Variants in SLC24A2 observed in about 807,000 individuals in gnomAD.
SLC24A2 encodes sodium/potassium/calcium exchanger 2.
SLC24A2 carries 36 observed loss-of-function variants against 62.0 expected under a neutral mutation model. The observed-to-expected ratio is 0.58, with a 90% CI of 0.44 to 0.77. The LOEUF (loss-of-function observed/expected upper bound fraction) is 0.77, where lower values mean the gene tolerates loss of function less well. SLC24A2 is among the 30% of genes least tolerant of loss of function. The pLI is 0.00. For synonymous variants in SLC24A2, 358 were observed against 294.0 expected, an observed-to-expected ratio of 1.22 and a Z score of -2.23; for missense variants, 846 against 817.9, an observed-to-expected ratio of 1.03 and a Z score of -0.42.
the SLC24A2 span, among the ~76,000 whole-genome samples, chr9:20,049,837 T>G: frequency 5.9e-5 from 9 of 152,048 alleles, no homozygotes; most frequent in Non-Finnish European, 1.3e-4. Context: ...GCACTGCATC[T>G]GTTACAGAGG....
intron 2 of SLC24A2, among the ~76,000 whole-genome samples, chr9:19,662,748 C>T (rs1819138611): frequency 6.6e-6 from 1 of 152,190 alleles, no homozygotes; most frequent in Admixed American, 6.5e-5. Flanking sequence ...TCAAAAAGCA[C>T]CCTGTCCCCT....
At chr9:19,544,508 T>C (rs1834448910) in intron 8 of SLC24A2, among the ~76,000 whole-genome samples, 1 of 152,224 alleles carries the variant, frequency 6.6e-6, no homozygotes, top group African/African-American at 2.4e-5. Flanking sequence ...TTAGTTGATG[T>C]TGTTTCTTTA....
the SLC24A2 span, among the ~76,000 whole-genome samples, chr9:20,139,859 G>A: frequency 6.6e-6 from 1 of 152,204 alleles, no homozygotes. Context: ...GGAAAAGACT[G>A]AAGGCTGTCA....
At chr9:19,528,681 A>T (rs1195263888) in intron 8 of SLC24A2, among the ~76,000 whole-genome samples, 1 of 152,182 alleles carries the variant, frequency 6.6e-6, no homozygotes, top group African/African-American at 2.4e-5. Flanking sequence ...CAAGAAAGTC[A>T]CACAGAAAAA....
intron 2 of SLC24A2, among the ~76,000 whole-genome samples, chr9:19,664,130 T>A (rs578025811): frequency 6.6e-6 from 1 of 152,354 alleles, no homozygotes; most frequent in East Asian, 1.9e-4. Context: ...CACCCTTGGA[T>A]AAACCTAAAA....
chr9:20,093,117 G>C, the SLC24A2 span, among the ~76,000 whole-genome samples: 1 of 151,464 alleles, frequency 6.6e-6, no homozygotes, highest in African/African-American at 2.4e-5. Context: ...CGTTGCCCAG[G>C]CTGGAGCGCA....
Position 19,618,345 on chromosome 9 carries a change from A to T in SLC24A2, c.1078+1239T>A, listed in dbSNP as rs563176194. Among the ~76,000 whole-genome samples, 1,016 of 151,640 alleles carry T rather than the reference A, an allele frequency of 6.7e-3. 4 individuals carry two copies. The highest frequency in any genetic ancestry group is 0.012 in the Non-Finnish European group (801 of 67,818). ...ACCTCCGTGTAGATAGAGTAATGATATTTAGGATGTCCCTGGCTAAGAATT... is the reference window on the plus strand; with the variant it reads ...ACCTCCGTGTAGATAGAGTAATGATTTTTAGGATGTCCCTGGCTAAGAATT... On this transcript the variant is annotated intron_variant, in intron 4 of 10. Transcript: ENST00000341998.
the SLC24A2 span, among the ~76,000 whole-genome samples, chr9:20,106,396 A>C: frequency 6.6e-6 from 1 of 152,216 alleles, no homozygotes; most frequent in East Asian, 1.9e-4. Context: ...ACACAACCAA[A>C]AAAGAGAATT....
At chr9:20,095,147 T>C in the SLC24A2 span, among the ~76,000 whole-genome samples, 1 of 152,354 alleles carries the variant, frequency 6.6e-6, no homozygotes, top group Admixed American at 6.5e-5. Context: ...AATTTTTGTT[T>C]TGTTTTGGAA....
chr9:19,859,400 G>A, the SLC24A2 span, among the ~76,000 whole-genome samples: 6 of 152,132 alleles, frequency 3.9e-5, no homozygotes, highest in Non-Finnish European at 8.8e-5. Flanking sequence ...TGAGCACTAT[G>A]CTTATTACCT....
Position 19,781,250 on chromosome 9 carries a change from C to CGT in SLC24A2, c.930+4686_930+4687insAC, listed in dbSNP as rs1554715791. On this transcript the variant is annotated intron_variant, in intron 2 of 10. Coordinates refer to ENST00000341998, the MANE Select transcript of SLC24A2 (RefSeq NM_020344.4). ...CCCCAGTAGCAAGAGAATAGCTTAA[C>CGT]ACACGATCCCATTCTTTGCTAAAGT... Among the ~76,000 whole-genome samples the CGT allele has an allele frequency of 5.9e-5, 9 of 152,212 alleles. No individual in the cohort carries two copies. The East Asian group carries it at 1.7e-3, about 29-fold the overall frequency.
chr9:19,656,248 C>A (rs1029213925), intron 2 of SLC24A2, among the ~76,000 whole-genome samples: 1 of 152,046 alleles, frequency 6.6e-6, no homozygotes, highest in African/African-American at 2.4e-5. Flanking sequence ...AGGCTACAAC[C>A]AATATAAAAA....
At chr9:19,978,341 C>T in the SLC24A2 span, among the ~76,000 whole-genome samples, 1 of 152,054 alleles carries the variant, frequency 6.6e-6, no homozygotes, top group African/African-American at 2.4e-5. Flanking sequence ...ATGATAAATT[C>T]TTATGAACTA....
the SLC24A2 span, among the ~76,000 whole-genome samples, chr9:20,023,208 C>A: frequency 1.3e-5 from 2 of 151,966 alleles, no homozygotes; most frequent in East Asian, 3.9e-4. Context: ...ATGTATGGTC[C>A]CAAGGTTTGA....
chr9:19,833,291 G>A, the SLC24A2 span, among the ~76,000 whole-genome samples: 5 of 152,296 alleles, frequency 3.3e-5, no homozygotes, highest in East Asian at 1.9e-4. Context: ...TACCTCACAC[G>A]TGACGTGCAA....
At chr9:19,563,506 T>A (rs1835502164) in intron 7 of SLC24A2, among the ~76,000 whole-genome samples, 1 of 152,164 alleles carries the variant, frequency 6.6e-6, no homozygotes, top group Non-Finnish European at 1.5e-5. Flanking sequence ...AAGAAAGACA[T>A]CATATGAATT....
chr9:19,894,067 A>G, the SLC24A2 span, among the ~76,000 whole-genome samples: 13 of 152,228 alleles, frequency 8.5e-5, no homozygotes, highest in Admixed American at 3.3e-4. Context: ...AACATAATCT[A>G]TTCTGGGTGG....
chr9:19,541,807 C>A (rs969903038), intron 8 of SLC24A2, among the ~76,000 whole-genome samples: 26 of 149,126 alleles, frequency 1.7e-4, no homozygotes, highest in Non-Finnish European at 3.0e-4. Context: ...CCCCCAGCCT[C>A]GTTGCCGCCT....
chr9:20,080,877 A>G, the SLC24A2 span, among the ~76,000 whole-genome samples: 188 of 152,298 alleles, frequency 1.2e-3, 1 homozygote, highest in East Asian at 0.019. Context: ...ACATGAAAAA[A>G]TGCTCACCAT....
Sources: allele counts gnomAD v4.1 joint callset (sites outside exome capture counted in the v4.1 genomes callset), GRCh38; gene constraint gnomAD v4.1.1; transcripts MANE v1.5; gene names NCBI Gene and HGNC (gene_info 2026-07-23, HGNC 2026-07-21).